The following SRSF9 variants were observed in gnomAD, a reference collection of about 807,000 sequenced individuals.
SRSF9 encodes the protein serine/arginine-rich splicing factor 9.
Under a neutral mutation model 25.9 loss-of-function variants are expected in SRSF9, and 3 were observed. That is an observed-to-expected ratio of 0.12 (90% CI 0.05 to 0.30). SRSF9 has a LOEUF of 0.30. Ranked by LOEUF, SRSF9 falls within the 10% of genes least tolerant of loss-of-function variation. The pLI is 1.00. For synonymous variants in SRSF9, 114 were observed against 113.2 expected (o/e 1.01, Z -0.05); for missense variants, 161 against 303.5 (o/e 0.53, Z 3.49).
intron 3 of SRSF9, chr12:120,462,447 A>C: frequency 3.7e-6 from 1 of 269,428 alleles, no homozygotes; most frequent in Admixed American, 5.1e-5. Context: ...ATGATAAACA[A>C]TATATCTGAA....
At chr12:120,462,240 A>G (rs1878366165) in intron 3 of SRSF9, 78 bp from the exon 4 acceptor site, 2 of 1,465,252 alleles carry the variant, frequency 1.4e-6, no homozygotes, top group Non-Finnish European at 1.9e-6. Context: ...AACATCTAAC[A>G]ATAATAGTTA....
chr12:120,468,175 G>C (rs557395892), intron 1 of SRSF9, among the ~76,000 whole-genome samples: 1 of 150,774 alleles, frequency 6.6e-6, no homozygotes, highest in South Asian at 2.1e-4. Context: ...GCTCACGCCT[G>C]TAATCCTAAC....
In SRSF9 at chr12:120,469,649, C is replaced by T; in HGVS notation, c.-40G>A. 1 of 1,214,454 alleles carries T rather than the reference C, an allele frequency of 8.2e-7. No homozygotes were observed. 75.2% of individuals were successfully genotyped at this position (1,214,454 alleles called of 1,614,324 possible). A position where few individuals can be genotyped will look rare whatever the true frequency, so the allele number is the denominator to read the frequency against. On this transcript the variant is annotated 5_prime_UTR_variant, in exon 1 of 4. Coordinates refer to ENST00000229390, the MANE Select transcript of SRSF9 (RefSeq NM_003769.3). ...GCCGCGGGCCCGCCGCAGCCCACGT[C>T]GCCGCCGCCGCCTCAGCACGGGTCC...
intron 2 of SRSF9, 164 bp from the exon 3 acceptor site, chr12:120,464,286 G>C: frequency 1.3e-6 from 1 of 758,126 alleles, no homozygotes; most frequent in Non-Finnish European, 2.0e-6. Context: ...GAGCACTGAA[G>C]TATGTGTGGT....
chr12:120,469,575 C>T lies in SRSF9; in HGVS notation c.35G>A (p.Gly12Asp). 6.4e-7 allele frequency: 1 copy of T among 1,555,336 alleles called. No homozygotes were observed. The highest frequency in any genetic ancestry group is 8.7e-7 in the Non-Finnish European group (1 of 1,154,914). The change falls in exon 1 of 4, where the codon GGC becomes GAC. Residue 12 changes from glycine to aspartate, a missense_variant. By Grantham distance (94) the Gly-to-Asp change is moderately conservative (BLOSUM62 -1). Around this residue, in one of 3 missense-constraint regions of SRSF9, gnomAD observed 99 missense variants for 156.7 expected, o/e 0.63. Transcript: ENST00000229390. ...SGWADERGGE[G>D]DGRIYVGNLP... ...GTTCCCCACGTAGATGCGCCCGTCG[C>T]CCTCGCCGCCGCGCTCGTCCGCCCA...
intron 1 of SRSF9, among the ~76,000 whole-genome samples, chr12:120,467,938 T>C (rs936956984): frequency 1.2e-4 from 5 of 40,254 alleles, no homozygotes; most frequent in Admixed American, 2.6e-4. Flanking sequence ...CTGCTGAACA[T>C]AGAAAAATCA....
At chr12:120,464,463 A>T (rs1878437569) in intron 2 of SRSF9, 3 of 184,524 alleles carry the variant, frequency 1.6e-5, no homozygotes, top group South Asian at 3.8e-4. Flanking sequence ...TTGAGTTCCA[A>T]TTTTTTCCAT....
chr12:120,461,803 C>T lies in SRSF9; in HGVS notation c.*216G>A, dbSNP rs1236126308. 3.2e-5 allele frequency: 14 copies of T among 438,010 alleles called. No individual in the cohort carries two copies. The highest frequency in any genetic ancestry group is 8.4e-5 in the Admixed American group (2 of 23,936). The allele number at this position is 438,010 out of a possible 1,614,324, so 27.1% of individuals were successfully genotyped here. ...CCCATAATCAGGGGTGAAAAATATA[C>T]AACTTGTTTCTGAACCAAAACCACA... is the stretch of plus-strand genomic sequence containing the variant. On this transcript the variant is annotated 3_prime_UTR_variant, in exon 4 of 4. Transcript: ENST00000229390.
At chr12:120,464,705 A>C (rs943442412) in intron 2 of SRSF9, 2 of 152,360 alleles carry the variant, frequency 1.3e-5, no homozygotes, top group African/African-American at 4.8e-5. Context: ...TCAGATGCTA[A>C]AACTAGTCGG....
At position 120,469,674 on chromosome 12, in the gene SRSF9, C is replaced by CCCCCGCAGCGT. The variant is rs1384994036; in HGVS notation, c.-76_-66dup. On this transcript the variant is annotated 5_prime_UTR_variant, in exon 1 of 4. Transcript: ENST00000229390. ...CGCCGCCGCCGCCTCAGCACGGGTC[C>CCCCCGCAGCGT]CCCCGCAGCGTCCCCGCGGGCTCCG... The CCCCCGCAGCGT allele has an allele frequency of 9.3e-7, 1 of 1,071,808 alleles. No homozygotes were observed. The allele number at this position is 1,071,808 out of a possible 1,614,324, so 66.4% of individuals were successfully genotyped here.
At chr12:120,467,172 A>G (rs1277040294) in intron 1 of SRSF9, among the ~76,000 whole-genome samples, 1 of 140,320 alleles carries the variant, frequency 7.1e-6, no homozygotes, top group Non-Finnish European at 1.5e-5. Flanking sequence ...AGACTGGGAG[A>G]GGCAGAACTG....
At chr12:120,464,161 C>T (rs1878429608) in intron 2 of SRSF9, 39 bp from the exon 3 acceptor site, 1 of 1,588,848 alleles carries the variant, frequency 6.3e-7, no homozygotes, top group African/African-American at 1.3e-5. Flanking sequence ...CATCCTTCAG[C>T]TATGTTAACT....
intron 1 of SRSF9, among the ~76,000 whole-genome samples, chr12:120,467,484 G>A (rs1049937588): frequency 6.6e-6 from 1 of 152,086 alleles, no homozygotes; most frequent in African/African-American, 2.4e-5. Flanking sequence ...CTGCACGACA[G>A]AGCCAGACTC....
intron 1 of SRSF9, among the ~76,000 whole-genome samples, chr12:120,468,720 G>A (rs1235289317): frequency 3.3e-5 from 5 of 152,206 alleles, no homozygotes; most frequent in African/African-American, 9.6e-5. Context: ...CGGCCTGAGG[G>A]CCGACGCTGT....
chr12:120,462,284 G>A (rs895378267), intron 3 of SRSF9, 122 bp from the exon 4 acceptor site: 3 of 1,030,874 alleles, frequency 2.9e-6, no homozygotes, highest in Non-Finnish European at 4.1e-6. Context: ...TCTGTGCCTG[G>A]CATGAGGCTA....
intron 1 of SRSF9, among the ~76,000 whole-genome samples, chr12:120,466,251 C>A (rs146399468): frequency 6.6e-6 from 1 of 152,188 alleles, no homozygotes; most frequent in East Asian, 1.9e-4. Context: ...TGGTGTTGCA[C>A]GCCTGTAGTC....
In SRSF9 at chr12:120,462,026, G is replaced by A. The variant is rs769622746; in HGVS notation, c.659C>T (p.Pro220Leu). The change falls in exon 4 of 4, where the codon CCC (proline) becomes CTC (leucine). Residue 220 changes from proline to leucine, a missense_variant. Pro to Leu is a moderately conservative substitution (Grantham distance 98, BLOSUM62 -3). Coordinates refer to ENST00000229390, the MANE Select transcript of SRSF9 (RefSeq NM_003769.3). ...GSPHYFSPFRPY is the reference protein window; with the variant it reads ...GSPHYFSPFRLY Reference sequence around the variant, plus strand: ...AAATTCCCATCACCTGTCTCAGTAGGGCCTGAAAGGAGAGAAGTAGTGTGG... The same window carrying A: ...AAATTCCCATCACCTGTCTCAGTAGAGCCTGAAAGGAGAGAAGTAGTGTGG... 6.2e-7 allele frequency: 1 copy of A among 1,609,806 alleles called. No homozygotes were observed. Among genetic ancestry groups the A allele is most frequent in the South Asian group, 1.1e-5 (1 of 90,676 alleles).
rs1565917188 is a variant in SRSF9 at position 120,465,733 on chromosome 12, C to G, written c.243G>C (p.Arg81=). The part of the protein sequence containing the change: ...GRNGYDYGQC[R]LRVEFPRTYG... Reference sequence around the variant, plus strand: ...AAGTCCTGGGGAACTCCACACGAAGCCGACACTGGCCATAATCATAACCAT... The same window carrying G: ...AAGTCCTGGGGAACTCCACACGAAGGCGACACTGGCCATAATCATAACCAT... Residue 81 remains arginine (R), a synonymous_variant, in exon 2 of 4, where the codon CGG becomes CGC. Coordinates refer to ENST00000229390, the MANE Select transcript of SRSF9 (RefSeq NM_003769.3). 1 of 1,604,732 alleles carries G rather than the reference C, an allele frequency of 6.2e-7. No homozygotes were observed. Among genetic ancestry groups the G allele is most frequent in the East Asian group, 2.3e-5 (1 of 44,420 alleles).
chr12:120,465,017 C>T (rs908107828), intron 2 of SRSF9: 6 of 152,096 alleles, frequency 3.9e-5, no homozygotes, highest in Admixed American at 2.0e-4. Context: ...CCAGGCTCCT[C>T]GATTTATTTC....
Sources: allele counts gnomAD v4.1 joint callset (sites outside exome capture counted in the v4.1 genomes callset), GRCh38; gene constraint gnomAD v4.1.1; regional missense constraint gnomAD v4.1.1; transcripts MANE v1.5; gene names NCBI Gene and HGNC (gene_info 2026-07-23, HGNC 2026-07-21).